Variants in PARD6G observed in about 807,000 individuals in gnomAD.
The protein encoded by PARD6G is partitioning defective 6 homolog gamma.
In PARD6G, 7 loss-of-function variants were observed where a neutral mutation model predicts 10.7. The observed-to-expected ratio is 0.66, with a 90% CI of 0.37 to 1.23. PARD6G has a LOEUF of 1.23. PARD6G is among the 50% of genes most tolerant of loss of function. The pLI, the probability that PARD6G is intolerant of heterozygous loss-of-function variation, is 0.02. For missense variants in PARD6G, 548 were observed against 571.8 expected, an observed-to-expected ratio of 0.96 and a Z score of 0.42; for synonymous variants, 287 against 269.4, an observed-to-expected ratio of 1.07 and a Z score of -0.64.
At chr18:80,239,895 C>G (rs1333250187) in intron 1 of PARD6G, among the ~76,000 whole-genome samples, 2 of 152,224 alleles carry the variant, frequency 1.3e-5, no homozygotes, top group Admixed American at 6.5e-5. Flanking sequence ...GCAGACTGTA[C>G]AAGAAGCATG....
At position 80,208,563 on chromosome 18, in the gene PARD6G, C is replaced by T. The variant is rs867493103; in HGVS notation, c.73-5631G>A. Among the ~76,000 whole-genome samples the T allele has an allele frequency of 1.6e-4, 24 of 152,032 alleles. 1 individual carries two copies. Among genetic ancestry groups the T allele is most frequent in the South Asian group, 4.2e-4 (2 of 4,816 alleles). The stretch of plus-strand genomic sequence containing the variant: ...TGCCTCAAAGGGAGCCATCCTATCC[C>T]GGGAGGTCATCTCCTCACTCCAAAC... On this transcript the variant is annotated intron_variant, in intron 1 of 2. Coordinates refer to ENST00000353265, the MANE Select transcript of PARD6G (RefSeq NM_032510.4).
At chr18:80,212,052 T>TA (rs964804080) in intron 1 of PARD6G, among the ~76,000 whole-genome samples, 88 of 151,858 alleles carry the variant, frequency 5.8e-4, no homozygotes, top group South Asian at 4.6e-3. Flanking sequence ...ACAATACTGA[T>TA]AAAAAAAAAT....
chr18:80,234,974 C>T (rs1967403176), intron 1 of PARD6G, among the ~76,000 whole-genome samples: 1 of 151,962 alleles, frequency 6.6e-6, no homozygotes, highest in Admixed American at 6.6e-5. Context: ...ACAAGGATAT[C>T]CAGGAATTGA....
Position 80,183,202 on chromosome 18 carries a change from G to A in PARD6G, c.295+19508C>T. 2 of 702,902 alleles carry A rather than the reference G, an allele frequency of 2.8e-6. No individual in the cohort carries two copies. Among genetic ancestry groups the A allele is most frequent in the Non-Finnish European group, 5.2e-6 (2 of 384,956 alleles). 43.5% of individuals were successfully genotyped at this position (702,902 alleles called of 1,614,324 possible). A position where few individuals can be genotyped will look rare whatever the true frequency, so the allele number is the denominator to read the frequency against. On this transcript the variant is annotated intron_variant, in intron 2 of 2. Transcript: ENST00000353265. The surrounding 1 kb of genome is among the most constrained non-coding windows in gnomAD (Gnocchi z 4.5). The stretch of plus-strand genomic sequence containing the variant: ...AGGGCCTTGCAATGTGAAAGGGTGG[G>A]AGAGAGAAAGCCAGAGAGACTTCTG...
chr18:80,157,845 A>G lies in PARD6G; in HGVS notation c.*1926T>C, dbSNP rs1360624755. 1 of 152,282 alleles carries G rather than the reference A, an allele frequency of 6.6e-6. No homozygotes were observed. Among genetic ancestry groups the G allele is most frequent in the Non-Finnish European group, 1.5e-5 (1 of 68,054 alleles). The allele number at this position is 152,282 out of a possible 1,614,324, so 9.4% of individuals were successfully genotyped here. On this transcript the variant is annotated 3_prime_UTR_variant, in exon 3 of 3. Transcript: ENST00000353265. ...AGAACTTGCTTTTCACTTAATATTCAGAAAAAATGAAAATGCTGAGATGCA... is the reference window on the plus strand; with the variant it reads ...AGAACTTGCTTTTCACTTAATATTCGGAAAAAATGAAAATGCTGAGATGCA...
chr18:80,236,185 G>A (rs1448863603), intron 1 of PARD6G, among the ~76,000 whole-genome samples: 1 of 152,152 alleles, frequency 6.6e-6, no homozygotes, highest in Admixed American at 6.5e-5. Flanking sequence ...TGGGATGCAA[G>A]GCTGGTTCAA....
At position 80,183,872 on chromosome 18, in the gene PARD6G, C is replaced by T. The variant is rs1332018292; in HGVS notation, c.295+18838G>A. Reference sequence around the variant, plus strand: ...GATGTCTCTGTCTGAGCTGAGAGCACATGACATACAACGAAACCACATGGA... The same window carrying T: ...GATGTCTCTGTCTGAGCTGAGAGCATATGACATACAACGAAACCACATGGA... On this transcript the variant is annotated intron_variant, in intron 2 of 2. Coordinates refer to ENST00000353265, the MANE Select transcript of PARD6G (RefSeq NM_032510.4). This position sits in a 1 kb window ranked among gnomAD's most constrained non-coding sequence, Gnocchi z 4.5. The T allele has an allele frequency of 2.6e-5, 4 of 152,318 alleles. No individual in the cohort carries two copies. The highest frequency in any genetic ancestry group is 5.9e-5 in the Non-Finnish European group (4 of 68,110). 9.4% of individuals were successfully genotyped at this position (152,318 alleles called of 1,614,324 possible). A position where few individuals can be genotyped will look rare whatever the true frequency, so the allele number is the denominator to read the frequency against.
At position 80,192,129 on chromosome 18, in the gene PARD6G, C is replaced by A. The variant is rs1391170108; in HGVS notation, c.295+10581G>T. 6.6e-6 allele frequency among the ~76,000 whole-genome samples: 1 copy of A among 152,218 alleles called. No individual in the cohort carries two copies. Among genetic ancestry groups the A allele is most frequent in the Admixed American group, 6.5e-5 (1 of 15,290 alleles). ...TTGATCATTAAGGAGTCACTAAAAA[C>A]CCTAGAAGGTGTTGGGGTCACAAGA... is the stretch of plus-strand genomic sequence containing the variant. On this transcript the variant is annotated intron_variant, in intron 2 of 2. Coordinates refer to ENST00000353265, the MANE Select transcript of PARD6G (RefSeq NM_032510.4). The surrounding 1 kb of genome is among the most constrained non-coding windows in gnomAD (Gnocchi z 4.9).
At chr18:80,173,063 T>A (rs560941711) in intron 2 of PARD6G, among the ~76,000 whole-genome samples, 1 of 152,244 alleles carries the variant, frequency 6.6e-6, no homozygotes, top group East Asian at 1.9e-4. Context: ...CTTGGAGAAG[T>A]GAGCCCTGAA....
Position 80,246,023 on chromosome 18 carries a change from C to T in PARD6G, c.72+1254G>A, listed in dbSNP as rs1351195561. ...TCCCCGCCTCAATCCTCTGCAGACA[C>T]CCTGGAAATCCTACTCCAAAGGTCA... is the stretch of plus-strand genomic sequence containing the variant. On this transcript the variant is annotated intron_variant, in intron 1 of 2. Coordinates refer to ENST00000353265, the MANE Select transcript of PARD6G (RefSeq NM_032510.4). The surrounding 1 kb of genome is among the most constrained non-coding windows in gnomAD (Gnocchi z 6.7). Among the ~76,000 whole-genome samples, 2 of 152,080 alleles carry T rather than the reference C, an allele frequency of 1.3e-5. No homozygotes were observed. The highest frequency in any genetic ancestry group is 2.4e-5 in the African/African-American group (1 of 41,402).
At chr18:80,224,476 G>A (rs1282970649) in intron 1 of PARD6G, among the ~76,000 whole-genome samples, 1 of 152,174 alleles carries the variant, frequency 6.6e-6, no homozygotes, top group Non-Finnish European at 1.5e-5. Context: ...CACAAACAGG[G>A]CTCATGTTTG....
At chr18:80,219,896 G>A (rs745444802) in intron 1 of PARD6G, among the ~76,000 whole-genome samples, 1 of 151,966 alleles carries the variant, frequency 6.6e-6, no homozygotes, top group South Asian at 2.1e-4. Flanking sequence ...ATCTTCTTCT[G>A]AGCCCTCCAA....
intron 2 of PARD6G, among the ~76,000 whole-genome samples, chr18:80,195,366 G>A (rs1350806883): frequency 3.3e-5 from 5 of 151,446 alleles, no homozygotes; most frequent in Admixed American, 2.0e-4. Flanking sequence ...TGGAGCAGGC[G>A]GGAATCCCTG....
chr18:80,243,814 G>A (rs1967514469), intron 1 of PARD6G, among the ~76,000 whole-genome samples: 1 of 152,080 alleles, frequency 6.6e-6, no homozygotes. Flanking sequence ...TTTCAGGTAG[G>A]GGAAGCCACA....
At chr18:80,162,016 C>G (rs2052703910) in intron 2 of PARD6G, 1 of 152,270 alleles carries the variant, frequency 6.6e-6, no homozygotes, top group African/African-American at 2.4e-5. Context: ...ATCTCTCAAC[C>G]CAGCAGAGCC....
chr18:80,235,608 G>A (rs144071565), intron 1 of PARD6G, among the ~76,000 whole-genome samples: 3,888 of 152,118 alleles, frequency 0.026, 160 homozygotes, highest in African/African-American at 0.089. Context: ...TTGATAGACC[G>A]CTAGCAAGAC....
At chr18:80,173,346 C>T (rs976599338) in intron 2 of PARD6G, among the ~76,000 whole-genome samples, 1 of 152,072 alleles carries the variant, frequency 6.6e-6, no homozygotes, top group Non-Finnish European at 1.5e-5. Context: ...CAAACGCGGC[C>T]GTGCACGGTG....
At chr18:80,239,385 T>C (rs1420967298) in intron 1 of PARD6G, among the ~76,000 whole-genome samples, 1 of 151,958 alleles carries the variant, frequency 6.6e-6, no homozygotes, top group Admixed American at 6.6e-5. Context: ...TGGGCTACAC[T>C]GGAGGAAGAA....
rs1422602275 is a variant in PARD6G, at chr18:80,159,813, C to A, written c.1089G>T (p.Pro363=). 5.5e-6 allele frequency: 8 copies of A among 1,465,010 alleles called. No individual in the cohort carries two copies. The highest frequency in any genetic ancestry group is 7.2e-6 in the Non-Finnish European group (8 of 1,114,010). 90.8% of individuals were successfully genotyped at this position (1,465,010 alleles called of 1,614,324 possible). A position where few individuals can be genotyped will look rare whatever the true frequency, so the allele number is the denominator to read the frequency against. Residue 363 remains proline, a synonymous_variant, in exon 3 of 3, where the codon CCG becomes CCT. Coordinates refer to ENST00000353265, the MANE Select transcript of PARD6G (RefSeq NM_032510.4). ...GCCCGTGCTCCTCCACGCCGCCTGG[C>A]GGCAGCGCCAGGCTGTGACGGGGGT... The part of the protein sequence containing the change: ...RADPRHSLAL[P]PGGVEEHGPA...
Sources: allele counts gnomAD v4.1 joint callset (sites outside exome capture counted in the v4.1 genomes callset), GRCh38; gene constraint gnomAD v4.1.1; non-coding constraint Gnocchi (gnomAD v3.1); transcripts MANE v1.5; gene names NCBI Gene and HGNC (gene_info 2026-07-23, HGNC 2026-07-21).